PABPC4L: variants seen among roughly 807,000 people sequenced by gnomAD.
PABPC4L encodes the protein poly(A) binding protein cytoplasmic 4 like.
For missense variants in PABPC4L, 452 were observed against 451.4 expected (o/e 1.00, Z -0.01); for synonymous variants, 169 against 164.1 (o/e 1.03, Z -0.23).
At chr4:134,083,511 G>A in the PABPC4L span, among the ~76,000 whole-genome samples, 1 of 152,236 alleles carries the variant, frequency 6.6e-6, no homozygotes, top group East Asian at 1.9e-4. Flanking sequence ...ACGTGTGACA[G>A]AAACCAGGCA....
the PABPC4L span, among the ~76,000 whole-genome samples, chr4:134,013,486 T>C: frequency 6.6e-6 from 1 of 151,940 alleles, no homozygotes; most frequent in African/African-American, 2.4e-5. Flanking sequence ...CCTCTTCAAC[T>C]CTCACCTGAC....
the PABPC4L span, chr4:133,977,818 T>A: frequency 2.6e-5 from 4 of 152,214 alleles, no homozygotes; most frequent in Non-Finnish European, 5.9e-5. Flanking sequence ...ATGCTATGTA[T>A]TTTCTAGAAC....
At chr4:134,094,871 A>G in the PABPC4L span, among the ~76,000 whole-genome samples, 2 of 151,694 alleles carry the variant, frequency 1.3e-5, no homozygotes, top group South Asian at 2.1e-4. Flanking sequence ...AAAATAATAC[A>G]CTGTAATTTT....
At chr4:134,153,810 GTTTTTTTTTTTT>G in the PABPC4L span, among the ~76,000 whole-genome samples, 2 of 77,602 alleles carry the variant, frequency 2.6e-5, no homozygotes, top group Admixed American at 1.7e-4. Context: ...CCTATGCCTA[GTTTTTTTTTTTT>G]TTTTTTTTTT....
the PABPC4L span, among the ~76,000 whole-genome samples, chr4:134,064,446 G>A: frequency 7.2e-5 from 11 of 152,052 alleles, no homozygotes; most frequent in Admixed American, 3.3e-4. Context: ...TTGATAAATA[G>A]TAACCGGTGT....
chr4:134,186,746 T>A, the PABPC4L span, among the ~76,000 whole-genome samples: 1 of 152,126 alleles, frequency 6.6e-6, no homozygotes, highest in Non-Finnish European at 1.5e-5. Flanking sequence ...ACCATCAGCG[T>A]GAACAGGCAA....
the PABPC4L span, among the ~76,000 whole-genome samples, chr4:134,100,783 T>A: frequency 4.6e-5 from 7 of 151,616 alleles, no homozygotes; most frequent in East Asian, 1.2e-3. Context: ...CAGTTCAAAT[T>A]TTTCTCTGAA....
chr4:134,110,487 T>A, the PABPC4L span, among the ~76,000 whole-genome samples: 1 of 151,472 alleles, frequency 6.6e-6, no homozygotes, highest in Non-Finnish European at 1.5e-5. Context: ...AAAGTAACCA[T>A]TAATAAAATA....
the PABPC4L span, among the ~76,000 whole-genome samples, chr4:134,040,918 T>G: frequency 6.6e-6 from 1 of 152,054 alleles, no homozygotes; most frequent in Non-Finnish European, 1.5e-5. Context: ...GCAAAGGATA[T>G]GAACAGACAC....
the PABPC4L span, among the ~76,000 whole-genome samples, chr4:134,143,494 A>G: frequency 1.3e-5 from 2 of 150,352 alleles, no homozygotes; most frequent in Non-Finnish European, 3.0e-5. Context: ...TTCAATATTA[A>G]TAAATACTCA....
At chr4:134,111,020 G>C in the PABPC4L span, among the ~76,000 whole-genome samples, 1 of 151,864 alleles carries the variant, frequency 6.6e-6, no homozygotes, top group Non-Finnish European at 1.5e-5. Context: ...TCTGAGATTG[G>C]GTTATTTTTA....
the PABPC4L span, among the ~76,000 whole-genome samples, chr4:134,183,512 C>A: frequency 6.6e-6 from 1 of 151,390 alleles, no homozygotes; most frequent in African/African-American, 2.4e-5. Context: ...AATAAGGTAC[C>A]ATGCTTATTA....
At chr4:134,192,437 A>G (rs1025252436), downstream of PABPC4L, among the ~76,000 whole-genome samples, 1 of 152,076 alleles carries the variant, frequency 6.6e-6, no homozygotes, top group Non-Finnish European at 1.5e-5. Context: ...GGTGATGGAA[A>G]TGTCCCAAAA....
the PABPC4L span, among the ~76,000 whole-genome samples, chr4:134,005,929 CAT>C: frequency 1.3e-5 from 2 of 151,756 alleles, no homozygotes; most frequent in Non-Finnish European, 2.9e-5. Flanking sequence ...TGGATAAAAA[CAT>C]AGTGAGTTGA....
At chr4:134,106,705 G>A in the PABPC4L span, among the ~76,000 whole-genome samples, 16 of 151,566 alleles carry the variant, frequency 1.1e-4, no homozygotes, top group Admixed American at 6.6e-4. Context: ...AGTACATTAT[G>A]GAAGATTTCT....
At chr4:134,188,230 C>T in the PABPC4L span, among the ~76,000 whole-genome samples, 1 of 151,940 alleles carries the variant, frequency 6.6e-6, no homozygotes. Context: ...AATACAAGGG[C>T]AAGTGTATGC....
chr4:134,195,442 CA>C (rs35607878), downstream of PABPC4L, among the ~76,000 whole-genome samples: 1 of 150,966 alleles, frequency 6.6e-6, no homozygotes, highest in Non-Finnish European at 1.5e-5. Flanking sequence ...TCACTGAATG[CA>C]AAAAAAACAA....
the PABPC4L span, among the ~76,000 whole-genome samples, chr4:134,138,692 T>C: frequency 6.6e-6 from 1 of 151,884 alleles, no homozygotes; most frequent in East Asian, 1.9e-4. Context: ...TAAAGCTACA[T>C]TTAAACCCAT....
the PABPC4L span, among the ~76,000 whole-genome samples, chr4:134,038,173 G>A: frequency 7.9e-5 from 12 of 152,014 alleles, no homozygotes; most frequent in Non-Finnish European, 1.3e-4. Flanking sequence ...GGATGAAGCC[G>A]ACTTGATCAT....
Sources: allele counts gnomAD v4.1 joint callset (sites outside exome capture counted in the v4.1 genomes callset), GRCh38; gene constraint gnomAD v4.1.1; transcripts MANE v1.5; gene names NCBI Gene and HGNC (gene_info 2026-07-23, HGNC 2026-07-21).